SUSD5: variants seen among roughly 807,000 people sequenced by gnomAD.
The protein encoded by SUSD5 is sushi domain containing 5.
Under a neutral mutation model 29.5 loss-of-function variants are expected in SUSD5, and 33 were observed. The observed-to-expected ratio is 1.12, with a 90% CI of 0.85 to 1.49. SUSD5 has a LOEUF of 1.49. SUSD5 is among the 40% of genes most tolerant of loss of function. SUSD5 has a pLI of 0.00. For synonymous variants in SUSD5, 308 were observed against 325.3 expected (o/e 0.95, Z 0.57); for missense variants, 776 against 800.6 (o/e 0.97, Z 0.37).
chr3:33,187,531 G>C (rs2031801750), intron 3 of SUSD5, among the ~76,000 whole-genome samples: 2 of 152,150 alleles, frequency 1.3e-5, no homozygotes, highest in South Asian at 2.1e-4. Context: ...ACTTGAATTA[G>C]TTCCTTTCAC....
intron 4 of SUSD5, among the ~76,000 whole-genome samples, chr3:33,165,414 C>A (rs1289910077): frequency 6.6e-6 from 1 of 152,156 alleles, no homozygotes; most frequent in Non-Finnish European, 1.5e-5. Flanking sequence ...TGGTGGTCTG[C>A]TTCTTGACCT....
At position 33,153,069 on chromosome 3, in the gene SUSD5, T is replaced by C. The variant is rs780955878; in HGVS notation, c.1563A>G (p.Pro521=). Residue 521 remains proline (P), a synonymous_variant, in exon 5 of 5, where the codon CCA becomes CCG. Transcript: ENST00000309558. ...GGATCTCAGGAACAGTGGTTTCTAC[T>C]GGAGGCTGGGTGGTTGCCATGATCG... is the stretch of plus-strand genomic sequence containing the variant. The part of the protein sequence containing the change: ...PSTIMATTQP[P]VETTVPEIQD... The C allele has an allele frequency of 6.2e-7, 1 of 1,613,862 alleles. No individual in the cohort carries two copies.
chr3:33,162,729 G>A (rs986919170), intron 4 of SUSD5, among the ~76,000 whole-genome samples: 4 of 152,118 alleles, frequency 2.6e-5, no homozygotes, highest in African/African-American at 9.7e-5. Context: ...GGGGTGGGTG[G>A]ATCACCTGAG....
chr3:33,199,502 T>C (rs908915002), intron 3 of SUSD5, among the ~76,000 whole-genome samples: 10 of 152,304 alleles, frequency 6.6e-5, no homozygotes, highest in African/African-American at 2.4e-4. Flanking sequence ...CTCGATCTCC[T>C]GACCTCGTGA....
intron 3 of SUSD5, among the ~76,000 whole-genome samples, chr3:33,201,918 A>T (rs1181212416): frequency 6.6e-6 from 1 of 152,126 alleles, no homozygotes; most frequent in Non-Finnish European, 1.5e-5. Context: ...CTCAAATGCC[A>T]CTGCTTAGGA....
At chr3:33,196,761 T>C (rs1255628902) in intron 3 of SUSD5, among the ~76,000 whole-genome samples, 1 of 152,174 alleles carries the variant, frequency 6.6e-6, no homozygotes, top group Non-Finnish European at 1.5e-5. Flanking sequence ...AAGAAAGAAC[T>C]ATCCTGAGCA....
intron 1 of SUSD5, among the ~76,000 whole-genome samples, chr3:33,216,763 G>T (rs1284426085): frequency 6.6e-6 from 1 of 151,952 alleles, no homozygotes; most frequent in South Asian, 2.1e-4. Flanking sequence ...TCTTCCTCCC[G>T]TCACCATAGC....
At chr3:33,179,873 A>G (rs929469850) in intron 3 of SUSD5, among the ~76,000 whole-genome samples, 1 of 152,232 alleles carries the variant, frequency 6.6e-6, no homozygotes, top group African/African-American at 2.4e-5. Context: ...GTAGTCTCGT[A>G]AGATTATAAT....
chr3:33,167,262 TCTC>T lies in SUSD5; in HGVS notation c.598+7621_598+7623del, dbSNP rs1244794828. ...GAACACAGGCAGAAGATGAGTATGT[TCTC>T]CTCTCTCACTTTTTTGTGTGTGCAG... On this transcript the variant is annotated intron_variant, in intron 4 of 4. Coordinates refer to ENST00000309558, the MANE Select transcript of SUSD5 (RefSeq NM_015551.2). The surrounding 1 kb of genome is among the most constrained non-coding windows in gnomAD (Gnocchi z 4.1). Among the ~76,000 whole-genome samples the T allele has an allele frequency of 2.6e-5, 4 of 151,938 alleles. No homozygotes were observed. The highest frequency in any genetic ancestry group is 4.4e-5 in the Non-Finnish European group (3 of 68,008).
rs573470846 is a variant in SUSD5, at chr3:33,152,678, T to C, written c.*64A>G. 1.1e-4 allele frequency: 162 copies of C among 1,484,334 alleles called. No individual in the cohort carries two copies. The highest frequency in any genetic ancestry group is 1.4e-4 in the Non-Finnish European group (153 of 1,101,344). The allele number at this position is 1,484,334 out of a possible 1,614,324, so 91.9% of individuals were successfully genotyped here. A position where few individuals can be genotyped will look rare whatever the true frequency, so the allele number is the denominator to read the frequency against. On this transcript the variant is annotated 3_prime_UTR_variant, in exon 5 of 5. Transcript: ENST00000309558. The stretch of plus-strand genomic sequence containing the variant: ...ACCTGCGTCATGCTCTAGTGAATTA[T>C]CGTGTGATGTGTCACAGTTATTTTC...
Position 33,152,872 on chromosome 3 carries a change from AGCAG to A in SUSD5, c.1756_1759del (p.Leu586CysfsTer24). 6.2e-7 allele frequency: 1 copy of A among 1,613,998 alleles called. No homozygotes were observed. Among genetic ancestry groups the A allele is most frequent in the Non-Finnish European group, 8.5e-7 (1 of 1,179,896 alleles). On this transcript the variant is annotated frameshift_variant, in exon 5 of 5. Coordinates refer to ENST00000309558, the MANE Select transcript of SUSD5 (RefSeq NM_015551.2). LOFTEE classifies it high-confidence loss of function. Reference sequence around the variant, plus strand: ...CACCATCCCCACACCTGCCAGGAGCAGCAGTAGGCACAGGACGGTGACAATGGTG... The same window carrying A: ...CACCATCCCCACACCTGCCAGGAGCATAGGCACAGGACGGTGACAATGGTG...
At chr3:33,218,593 G>A (rs1269814947) in intron 1 of SUSD5, 93 bp downstream of exon 1, 3 of 1,120,566 alleles carry the variant, frequency 2.7e-6, no homozygotes, top group Admixed American at 4.3e-5. Context: ...GCCGCTTGCC[G>A]GGCCGGTCAG....
chr3:33,186,251 G>A (rs898966387), intron 3 of SUSD5, among the ~76,000 whole-genome samples: 17 of 151,346 alleles, frequency 1.1e-4, no homozygotes, highest in Admixed American at 7.9e-4. Context: ...GCAGTGAGCC[G>A]AGATTGCGCC....
Position 33,167,325 on chromosome 3 carries a change from G to T in SUSD5, c.598+7561C>A, listed in dbSNP as rs1480610966. ...GCTTAGCATTTAATATTAGAGCAAG[G>T]ATCTGGGAAAGGTCAGCTCACCCTG... On this transcript the variant is annotated intron_variant, in intron 4 of 4. Coordinates refer to ENST00000309558, the MANE Select transcript of SUSD5 (RefSeq NM_015551.2). The surrounding 1 kb of genome is among the most constrained non-coding windows in gnomAD (Gnocchi z 4.1). 2.0e-5 allele frequency among the ~76,000 whole-genome samples: 3 copies of T among 152,110 alleles called. No homozygotes were observed. The highest frequency in any genetic ancestry group is 4.8e-5 in the African/African-American group (2 of 41,410).
At chr3:33,197,518 A>G (rs73828109) in intron 3 of SUSD5, among the ~76,000 whole-genome samples, 2,592 of 152,096 alleles carry the variant, frequency 0.017, 76 homozygotes, top group African/African-American at 0.059. Flanking sequence ...AGCTTAGTCA[A>G]TTTTGCTAAA....
At chr3:33,172,180 A>AAAAC (rs1182325702) in intron 4 of SUSD5, among the ~76,000 whole-genome samples, 10 of 148,450 alleles carry the variant, frequency 6.7e-5, no homozygotes, top group African/African-American at 2.5e-4. Flanking sequence ...ACTCTTGTAA[A>AAAAC]ACACACACAC....
At chr3:33,179,128 G>A (rs1313268571) in intron 3 of SUSD5, among the ~76,000 whole-genome samples, 1 of 152,134 alleles carries the variant, frequency 6.6e-6, no homozygotes, top group Non-Finnish European at 1.5e-5. Flanking sequence ...ATAGCTATAG[G>A]CCTGTTCAGA....
intron 3 of SUSD5, among the ~76,000 whole-genome samples, chr3:33,192,082 T>TG (rs1380665258): frequency 1.3e-5 from 2 of 151,580 alleles, no homozygotes; most frequent in Admixed American, 6.6e-5. Flanking sequence ...TGCGCATATT[T>TG]TTTTTTTTTG....
intron 4 of SUSD5, among the ~76,000 whole-genome samples, chr3:33,168,086 A>C: frequency 6.6e-6 from 1 of 152,244 alleles, no homozygotes; most frequent in African/African-American, 2.4e-5. Context: ...TGAAAAGTGC[A>C]GGCTGGCTTG....
Sources: gnomAD v4.1 joint callset for allele counts (sites outside exome capture counted in the v4.1 genomes callset) on GRCh38, gnomAD v4.1.1 for gene constraint, Gnocchi (gnomAD v3.1) non-coding constraint, MANE v1.5 for transcripts, NCBI Gene and HGNC (gene_info 2026-07-23, HGNC 2026-07-21) for gene names.